Variants in SLC10A1 observed in about 807,000 individuals in gnomAD.
SLC10A1 encodes hepatic sodium/bile acid cotransporter.
Under a neutral mutation model 20.5 loss-of-function variants are expected in SLC10A1, and 36 were observed. The ratio of observed to expected loss-of-function variants is 1.75; its 90% CI spans 1.34 to 2.32. SLC10A1 has a LOEUF of 2.32. Ranked by LOEUF, SLC10A1 falls within the 30% of genes most tolerant of loss-of-function variation. The pLI is 0.00. For synonymous variants in SLC10A1, 188 were observed against 163.6 expected, an observed-to-expected ratio of 1.15 and a Z score of -1.14; for missense variants, 545 against 439.1, an observed-to-expected ratio of 1.24 and a Z score of -2.16.
intron 4 of SLC10A1, among the ~76,000 whole-genome samples, chr14:69,776,959 T>C (rs1011374426): frequency 1.3e-5 from 2 of 152,244 alleles, no homozygotes; most frequent in Non-Finnish European, 2.9e-5. Flanking sequence ...GAATAGCTTC[T>C]TGGGGCCATT....
rs902617393 is a variant in SLC10A1 at position 69,775,959 on chromosome 14, C to G, written c.*323G>C. ...GGTTAAACATATATATTGATTAGTTCAGGAATTGAGTGACTTTAAGATGCT... is the reference window on the plus strand; with the variant it reads ...GGTTAAACATATATATTGATTAGTTGAGGAATTGAGTGACTTTAAGATGCT... On this transcript the variant is annotated 3_prime_UTR_variant, in exon 5 of 5. Transcript: ENST00000216540. The G allele has an allele frequency of 1.8e-5, 5 of 276,990 alleles. No homozygotes were observed. The highest frequency in any genetic ancestry group is 4.9e-5 in the Admixed American group (1 of 20,398). The allele number at this position is 276,990 out of a possible 1,614,324, so 17.2% of individuals were successfully genotyped here. A position where few individuals can be genotyped will look rare whatever the true frequency, so the allele number is the denominator to read the frequency against.
intron 4 of SLC10A1, among the ~76,000 whole-genome samples, chr14:69,777,994 G>T (rs991130090): frequency 6.6e-6 from 1 of 152,194 alleles, no homozygotes; most frequent in East Asian, 1.9e-4. Flanking sequence ...CTTGCGAATA[G>T]AGGCCTTTCA....
At chr14:69,792,847 AAAAGC>A (rs1167047101) in intron 1 of SLC10A1, among the ~76,000 whole-genome samples, 1 of 152,152 alleles carries the variant, frequency 6.6e-6, no homozygotes. Context: ...AAAAAAAAAA[AAAAGC>A]AAGCTGTTAG....
At chr14:69,780,501 AAT>A (rs78844923) in intron 2 of SLC10A1, among the ~76,000 whole-genome samples, 19,310 of 152,216 alleles carry the variant, frequency 0.13, 1,668 homozygotes, top group Admixed American at 0.2. Flanking sequence ...AAAAAAGTAA[AAT>A]ATGTATAGCA....
At chr14:69,792,493 G>A (rs952859866) in intron 1 of SLC10A1, among the ~76,000 whole-genome samples, 2 of 152,236 alleles carry the variant, frequency 1.3e-5, no homozygotes, top group East Asian at 1.9e-4. Context: ...AAACTACTGC[G>A]ATCTGCTTCA....
At chr14:69,789,970 G>A (rs9944036) in intron 1 of SLC10A1, among the ~76,000 whole-genome samples, 53,750 of 148,462 alleles carry the variant, frequency 0.36, 11,659 homozygotes, top group African/African-American at 0.6. Context: ...CTCTGGCAAG[G>A]CAGACCAGGG....
intron 4 of SLC10A1, among the ~76,000 whole-genome samples, chr14:69,777,039 A>G (rs1245439248): frequency 6.6e-6 from 1 of 152,200 alleles, no homozygotes; most frequent in Non-Finnish European, 1.5e-5. Flanking sequence ...CTGTGAGGAA[A>G]GTTCTTTTCA....
At position 69,797,125 on chromosome 14, in the gene SLC10A1, T is replaced by C; in HGVS notation, c.31A>G (p.Asn11Asp). The C allele has an allele frequency of 6.2e-7, 1 of 1,613,690 alleles. No individual in the cohort carries two copies. Among genetic ancestry groups the C allele is most frequent in the Non-Finnish European group, 8.5e-7 (1 of 1,179,876 alleles). ...CCAAAGTTGGGTGGCAGGGTGAAGT[T>C]GAATGGGGCAGACGCGTTGTGGGCC... Reference protein sequence around the residue: MEAHNASAPFNFTLPPNFGKR... With the variant: MEAHNASAPFDFTLPPNFGKR... Residue 11 changes from asparagine (N) to aspartate (D), a missense_variant, in exon 1 of 5, where the codon AAC becomes GAC. Transcript: ENST00000216540.
rs2139709702 is a variant in SLC10A1, at chr14:69,778,330, C to CA, written c.943+2dup. 6.3e-7 allele frequency: 1 copy of CA among 1,589,056 alleles called. No individual in the cohort carries two copies. The highest frequency in any genetic ancestry group is 1.2e-5 in the South Asian group (1 of 86,248). ...TTGAAGTGGGGATAATTTCAGTACT[C>CA]ACCCTTGGGAGTCTTGAATTTCTCA... On this transcript the variant is annotated splice_region_variant and intron_variant, in intron 4 of 4. Transcript: ENST00000216540.
intron 1 of SLC10A1, among the ~76,000 whole-genome samples, chr14:69,788,651 T>G (rs1883778732): frequency 6.6e-6 from 1 of 152,046 alleles, no homozygotes; most frequent in African/African-American, 2.4e-5. Flanking sequence ...TTCACGCTAT[T>G]CTTCTGTCTC....
chr14:69,781,269 C>T (rs924043930), intron 2 of SLC10A1, among the ~76,000 whole-genome samples: 1 of 152,224 alleles, frequency 6.6e-6, no homozygotes, highest in African/African-American at 2.4e-5. Flanking sequence ...CCCCTGTCTC[C>T]TGCTGAGACA....
chr14:69,779,100 G>T, intron 3 of SLC10A1, 82 bp downstream of exon 3: 1 of 1,037,276 alleles, frequency 9.6e-7, no homozygotes, highest in Non-Finnish European at 1.4e-6. Flanking sequence ...GGTTGAGGCT[G>T]CAGTGAGCTG....
At chr14:69,779,072 G>A (rs1195329202) in intron 3 of SLC10A1, 110 bp downstream of exon 3, 6 of 753,828 alleles carry the variant, frequency 8.0e-6, no homozygotes, top group Middle Eastern at 3.5e-4. Context: ...GAGGCAGGAG[G>A]ATCAGTTAAA....
At chr14:69,779,046 A>G in intron 3 of SLC10A1, 136 bp downstream of exon 3, 1 of 633,270 alleles carries the variant, frequency 1.6e-6, no homozygotes. Flanking sequence ...CTATAGTCCC[A>G]GTTACTTGGG....
Position 69,776,155 on chromosome 14 carries a change from T to C in SLC10A1, c.*127A>G. The C allele has an allele frequency of 1.4e-6, 1 of 699,958 alleles. No homozygotes were observed. The highest frequency in any genetic ancestry group is 2.5e-6 in the Non-Finnish European group (1 of 401,260). The allele number at this position is 699,958 out of a possible 1,614,324, so 43.4% of individuals were successfully genotyped here. On this transcript the variant is annotated 3_prime_UTR_variant, in exon 5 of 5. Coordinates refer to ENST00000216540, the MANE Select transcript of SLC10A1 (RefSeq NM_003049.4). ...GTTCCCGGCCAAGACTTGATGATTC[T>C]GATAGATGTACTGGAAATGCTGGAG...
In SLC10A1 at chr14:69,775,676, C is replaced by T. The variant is rs1231836378; in HGVS notation, c.*606G>A. The stretch of plus-strand genomic sequence containing the variant: ...GTTTTCCTCCTCTACTAACATGATG[C>T]ATTCGCCCAGTTTTTTCATTTCATT... On this transcript the variant is annotated 3_prime_UTR_variant, in exon 5 of 5. Transcript: ENST00000216540. 1 of 152,234 alleles carries T rather than the reference C, an allele frequency of 6.6e-6. No homozygotes were observed. Among genetic ancestry groups the T allele is most frequent in the Non-Finnish European group, 1.5e-5 (1 of 68,074 alleles). 9.4% of individuals were successfully genotyped at this position (152,234 alleles called of 1,614,324 possible).
At chr14:69,789,038 G>A (rs538659325) in intron 1 of SLC10A1, among the ~76,000 whole-genome samples, 53 of 152,244 alleles carry the variant, frequency 3.5e-4, no homozygotes, top group Non-Finnish European at 7.1e-4. Flanking sequence ...CTACTAGCAT[G>A]GCTATAATTA....
intron 1 of SLC10A1, among the ~76,000 whole-genome samples, chr14:69,786,624 A>G (rs1483557850): frequency 6.6e-6 from 1 of 152,078 alleles, no homozygotes; most frequent in Non-Finnish European, 1.5e-5. Context: ...CTTCTCTGTA[A>G]TGGAACCCTT....
intron 1 of SLC10A1, among the ~76,000 whole-genome samples, chr14:69,787,497 C>G (rs893625202): frequency 1.4e-5 from 2 of 143,888 alleles, no homozygotes; most frequent in African/African-American, 5.1e-5. Flanking sequence ...CAGCCCTACC[C>G]TCCATCTACA....
Sources: allele counts gnomAD v4.1 joint callset (sites outside exome capture counted in the v4.1 genomes callset), GRCh38; gene constraint gnomAD v4.1.1; transcripts MANE v1.5; gene names NCBI Gene and HGNC (gene_info 2026-07-23, HGNC 2026-07-21).